BLNK: variants seen among roughly 807,000 people sequenced by gnomAD.
BLNK encodes the protein B-cell linker protein.
Under a neutral mutation model 73.5 loss-of-function variants are expected in BLNK, and 29 were observed. That is an observed-to-expected ratio of 0.39 (90% CI 0.29 to 0.54). The LOEUF (loss-of-function observed/expected upper bound fraction) is 0.54. BLNK is among the 20% of genes least tolerant of loss of function. The pLI is 0.61. For synonymous variants in BLNK, 176 were observed against 200.8 expected, an observed-to-expected ratio of 0.88 and a Z score of 1.04; for missense variants, 460 against 562.8, an observed-to-expected ratio of 0.82 and a Z score of 1.85.
rs149748490 is a variant in BLNK at position 96,215,711 on chromosome 10, G to A, written c.608-322C>T. The A allele has an allele frequency of 5.8e-3, 1,413 of 244,382 alleles. 9 individuals are homozygous for A. The highest frequency in any genetic ancestry group is 0.022 in the Middle Eastern group (14 of 642). 15.1% of individuals were successfully genotyped at this position (244,382 alleles called of 1,614,324 possible). On this transcript the variant is annotated intron_variant, in intron 7 of 16. Transcript: ENST00000224337. ...AGTGGGAGGTCTAAGAGATAAAGGA[G>A]TTTTATTGTTTTTGTTTTTCATCAA...
At chr10:96,196,376 G>T (rs2083465856) in intron 16 of BLNK, among the ~76,000 whole-genome samples, 1 of 152,118 alleles carries the variant, frequency 6.6e-6, no homozygotes, top group South Asian at 2.1e-4. Flanking sequence ...AGATTAAAGA[G>T]GCATTAAAGT....
chr10:96,256,608 T>C (rs566319154), intron 1 of BLNK, among the ~76,000 whole-genome samples: 10 of 152,036 alleles, frequency 6.6e-5, no homozygotes, highest in Non-Finnish European at 1.2e-4. Context: ...GGGCCGGGTA[T>C]GGTGGCTCAT....
chr10:96,198,863 T>C (rs369107208), intron 15 of BLNK, among the ~76,000 whole-genome samples: 8 of 152,300 alleles, frequency 5.3e-5, no homozygotes, highest in East Asian at 3.9e-4. Context: ...CACGCCTGGC[T>C]AATTTTTTTA....
chr10:96,242,604 A>G, intron 3 of BLNK, 131 bp downstream of exon 3: 1 of 926,070 alleles, frequency 1.1e-6, no homozygotes, highest in Non-Finnish European at 1.7e-6. Flanking sequence ...AGATTTAGTC[A>G]TTCTTGAAAT....
At chr10:96,255,970 A>G (rs1554910971) in intron 1 of BLNK, among the ~76,000 whole-genome samples, 1 of 152,210 alleles carries the variant, frequency 6.6e-6, no homozygotes, top group Non-Finnish European at 1.5e-5. Flanking sequence ...ATGCCCATAT[A>G]GAAATTTTAT....
chr10:96,247,091 C>A, intron 1 of BLNK, 42 bp from the exon 2 acceptor site: 1 of 1,447,212 alleles, frequency 6.9e-7, no homozygotes, highest in South Asian at 1.3e-5. Flanking sequence ...AATAACCAGT[C>A]TGACTTTTTA....
At chr10:96,241,340 T>C (rs1201644937) in intron 3 of BLNK, among the ~76,000 whole-genome samples, 1 of 152,262 alleles carries the variant, frequency 6.6e-6, no homozygotes, top group Non-Finnish European at 1.5e-5. Context: ...TTATAATTAA[T>C]GCTATAGAAA....
At chr10:96,207,793 C>T (rs1481360523) in intron 10 of BLNK, 79 bp downstream of exon 10, 8 of 1,538,340 alleles carry the variant, frequency 5.2e-6, no homozygotes, top group Non-Finnish European at 6.3e-6. Context: ...TAGCTGGAAG[C>T]ATTTTCAACT....
chr10:96,210,332 C>A, intron 8 of BLNK: 1 of 230,246 alleles, frequency 4.3e-6, no homozygotes, highest in Non-Finnish European at 8.7e-6. Context: ...GAGACAGAGG[C>A]TCCAACCCAC....
rs781885345 is a variant in BLNK, at chr10:96,216,720, G to C, written c.540C>G (p.Val180=). 1 of 1,613,838 alleles carries C rather than the reference G, an allele frequency of 6.2e-7. No individual in the cohort carries two copies. Among genetic ancestry groups the C allele is most frequent in the Admixed American group, 1.7e-5 (1 of 59,994 alleles). ...GLLEDEADYV[V]PVEDNDENYI... Reference sequence around the variant, plus strand: ...AGTTTTCATCATTATCTTCCACGGGGACCACATAATCAGCCTAACAGAAAT... The same window carrying C: ...AGTTTTCATCATTATCTTCCACGGGCACCACATAATCAGCCTAACAGAAAT... The change falls in exon 7 of 17, where the codon GTC becomes GTG. Residue 180 remains valine (V), a synonymous_variant. Transcript: ENST00000224337.
chr10:96,205,786 G>A (rs183931320), intron 11 of BLNK, among the ~76,000 whole-genome samples: 43 of 152,282 alleles, frequency 2.8e-4, no homozygotes, highest in African/African-American at 9.4e-4. Context: ...CCTGTACTGG[G>A]AACCCTTTGA....
intron 12 of BLNK, 85 bp downstream of exon 12, chr10:96,204,447 C>A: frequency 1.4e-6 from 2 of 1,381,066 alleles, no homozygotes; most frequent in South Asian, 2.3e-5. Flanking sequence ...CACTGCAAGT[C>A]AGTGTCACTG....
At position 96,201,139 on chromosome 10, in the gene BLNK, A is replaced by G; in HGVS notation, c.935-81T>C. ...TATGCCTATCCCCTAACACTGTACT[A>G]GGTGCTGCCAGGGACACATCCACCA... On this transcript the variant is annotated intron_variant, in intron 13 of 16. Transcript: ENST00000224337. 16 of 1,243,886 alleles carry G rather than the reference A, an allele frequency of 1.3e-5. No homozygotes were observed. The South Asian group carries it at 1.9e-4, about 15-fold the overall frequency. 77.1% of individuals were successfully genotyped at this position (1,243,886 alleles called of 1,614,324 possible).
In BLNK at chr10:96,207,889, T is replaced by C; in HGVS notation, c.757A>G (p.Thr253Ala). 2 of 1,614,168 alleles carry C rather than the reference T, an allele frequency of 1.2e-6. No homozygotes were observed. The highest frequency in any genetic ancestry group is 2.2e-5 in the South Asian group (2 of 91,078). Residue 253 changes from threonine to alanine, a missense_variant, in exon 10 of 17, where the codon ACG becomes GCG. Thr to Ala is a moderately conservative substitution (Grantham distance 58). This residue lies in a region of BLNK where 233 missense variants were observed against 232.1 expected (regional missense o/e 1.00). Coordinates refer to ENST00000224337, the MANE Select transcript of BLNK (RefSeq NM_013314.4). ...SPLPRAGKKP[T>A]TPLKTTPVAS... ...TAACTTACTGTCTTCAGTGGTGTCG[T>C]TGGTTTTTTCCTGGGGAATAAAAAG...
At chr10:96,237,256 C>T (rs1417936475) in intron 3 of BLNK, among the ~76,000 whole-genome samples, 1 of 152,236 alleles carries the variant, frequency 6.6e-6, no homozygotes, top group East Asian at 1.9e-4. Flanking sequence ...AATCTCACTT[C>T]TTTAGTGGAC....
At chr10:96,216,280 C>T in intron 7 of BLNK, 2 of 258,100 alleles carry the variant, frequency 7.7e-6, no homozygotes, top group Non-Finnish European at 1.5e-5. Flanking sequence ...TTTTTCACTC[C>T]TCTGCAGAAA....
chr10:96,247,407 G>A (rs1029146461), intron 1 of BLNK, among the ~76,000 whole-genome samples: 2 of 152,058 alleles, frequency 1.3e-5, no homozygotes, highest in Admixed American at 6.5e-5. Context: ...TCAGGCCCAA[G>A]GTTCTTTTTT....
intron 12 of BLNK, 166 bp from the exon 13 acceptor site, chr10:96,204,254 A>T (rs2133964499): frequency 1.2e-6 from 1 of 801,008 alleles, no homozygotes; most frequent in Middle Eastern, 3.1e-4. Flanking sequence ...CCTTAAAGAT[A>T]AGTAAGACTC....
At chr10:96,229,591 T>C (rs185100963) in intron 4 of BLNK, among the ~76,000 whole-genome samples, 171 of 152,250 alleles carry the variant, frequency 1.1e-3, no homozygotes, top group African/African-American at 4.0e-3. Context: ...TCCAGCCAGC[T>C]TGCTCAGTTT....
Sources: gnomAD v4.1 joint callset for allele counts (sites outside exome capture counted in the v4.1 genomes callset) on GRCh38, gnomAD v4.1.1 for gene constraint, gnomAD v4.1.1 regional missense constraint, MANE v1.5 for transcripts, NCBI Gene and HGNC (gene_info 2026-07-23, HGNC 2026-07-21) for gene names.